NCAPH: variants seen among roughly 807,000 people sequenced by gnomAD.
NCAPH encodes the protein non-SMC condensin I complex subunit H.
A neutral mutation model predicts 85.5 loss-of-function variants in NCAPH; 38 were observed. The ratio of observed to expected loss-of-function variants is 0.44; its 90% CI spans 0.34 to 0.58. The LOEUF is 0.58. Among genes scored for constraint, NCAPH ranks in the 20% least tolerant of loss-of-function variants. The pLI, the probability that NCAPH is intolerant of heterozygous loss-of-function variation, is 0.01. For missense variants in NCAPH, 789 were observed against 916.6 expected (o/e 0.86, Z 1.80); for synonymous variants, 301 against 335.1 (o/e 0.90, Z 1.11).
At chr2:96,361,225 GT>G (rs762594645) in intron 12 of NCAPH, among the ~76,000 whole-genome samples, 1 of 151,280 alleles carries the variant, frequency 6.6e-6, no homozygotes, top group Non-Finnish European at 1.5e-5. Flanking sequence ...ATTTTTTGTA[GT>G]TTTAACAGGG....
At chr2:96,337,461 C>T (rs535578908) in intron 1 of NCAPH, among the ~76,000 whole-genome samples, 1 of 152,330 alleles carries the variant, frequency 6.6e-6, no homozygotes, top group African/African-American at 2.4e-5. Flanking sequence ...GCTCTATCGC[C>T]CAGGCTGGAG....
At chr2:96,365,362 G>A (rs1009692636) in intron 13 of NCAPH, among the ~76,000 whole-genome samples, 21 of 152,012 alleles carry the variant, frequency 1.4e-4, no homozygotes, top group South Asian at 6.2e-4. Context: ...ATCACCCAGG[G>A]AGCCTATTTA....
At chr2:96,364,661 C>T (rs1365120223) in intron 13 of NCAPH, 70 bp downstream of exon 13, 21 of 1,124,972 alleles carry the variant, frequency 1.9e-5, no homozygotes, top group South Asian at 2.6e-5. Flanking sequence ...TTCTCATGTC[C>T]CCATTTTATA....
chr2:96,366,476 A>G (rs2064700889), intron 14 of NCAPH, among the ~76,000 whole-genome samples: 1 of 152,218 alleles, frequency 6.6e-6, no homozygotes, highest in Non-Finnish European at 1.5e-5. Flanking sequence ...TTGCCTTTAT[A>G]TTTGATTCAT....
At chr2:96,340,253 T>G (rs143421574) in intron 1 of NCAPH, among the ~76,000 whole-genome samples, 1 of 152,238 alleles carries the variant, frequency 6.6e-6, no homozygotes, top group East Asian at 1.9e-4. Context: ...TCATCCAGTA[T>G]TATGGCTCTG....
At chr2:96,365,744 C>G (rs1356677979) in intron 13 of NCAPH, 132 bp from the exon 14 acceptor site, 9 of 881,572 alleles carry the variant, frequency 1.0e-5, no homozygotes, top group Non-Finnish European at 1.5e-5. Flanking sequence ...CCTAGAAGTT[C>G]ATCGTAGTGT....
At chr2:96,348,696 C>T (rs186614289) in intron 6 of NCAPH, among the ~76,000 whole-genome samples, 111 of 152,014 alleles carry the variant, frequency 7.3e-4, no homozygotes, top group Admixed American at 2.4e-3. Context: ...CGCTCTGTGG[C>T]CCAGGCTGGA....
chr2:96,361,828 ATTTT>A lies in NCAPH; in HGVS notation c.1587+1130_1587+1133del, dbSNP rs67427447. On this transcript the variant is annotated intron_variant, in intron 12 of 17. Transcript: ENST00000240423. Reference sequence around the variant, plus strand: ...TGTGTATATATATATATATATATATATTTTTTTTTTTTTTTCCCTGAATTGACTG... The same window carrying A: ...TGTGTATATATATATATATATATATATTTTTTTTTTTCCCTGAATTGACTG... Among the ~76,000 whole-genome samples, 917 of 107,982 alleles carry A rather than the reference ATTTT, an allele frequency of 8.5e-3. 6 individuals are homozygous for A. Among genetic ancestry groups the A allele is most frequent in the Middle Eastern group, 0.021 (3 of 146 alleles). The allele number at this position is 107,982 out of a possible 152,430, so 70.8% of individuals were successfully genotyped here. A position where few individuals can be genotyped will look rare whatever the true frequency, so the allele number is the denominator to read the frequency against.
At chr2:96,358,328 A>T (rs773854442) in intron 9 of NCAPH, among the ~76,000 whole-genome samples, 1 of 152,216 alleles carries the variant, frequency 6.6e-6, no homozygotes, top group Non-Finnish European at 1.5e-5. Flanking sequence ...CCTCATTTAC[A>T]GAAGGATGGT....
At chr2:96,359,297 C>G (rs1171363651) in intron 10 of NCAPH, 104 bp downstream of exon 10, 1 of 1,421,598 alleles carries the variant, frequency 7.0e-7, no homozygotes, top group Non-Finnish European at 9.6e-7. Context: ...CCTGTTGTGT[C>G]TCTTAATAAG....
At chr2:96,356,246 C>G (rs190442202) in intron 9 of NCAPH, among the ~76,000 whole-genome samples, 6 of 152,274 alleles carry the variant, frequency 3.9e-5, no homozygotes, top group African/African-American at 1.4e-4. Context: ...CCTTAAATCC[C>G]CTCCCCTTGC....
intron 1 of NCAPH, among the ~76,000 whole-genome samples, chr2:96,337,323 T>A (rs905469052): frequency 2.6e-5 from 4 of 152,268 alleles, no homozygotes; most frequent in Non-Finnish European, 4.4e-5. Flanking sequence ...TGTAGCCTAC[T>A]GTGCTCACAT....
chr2:96,355,705 G>A (rs1250411129), intron 9 of NCAPH, among the ~76,000 whole-genome samples: 3 of 150,746 alleles, frequency 2.0e-5, no homozygotes, highest in East Asian at 2.0e-4. Flanking sequence ...GCAGCAGCGC[G>A]ATCTCTGCTC....
rs113905142 is a variant in NCAPH, at chr2:96,358,745, A to G, written c.1209-300A>G. ...GGCCTCCCAAAGTGCTGGGATTACA[A>G]GCGTGAGCCACCGCGCCCAGCCAAA... On this transcript the variant is annotated intron_variant, in intron 9 of 17. Coordinates refer to ENST00000240423, the MANE Select transcript of NCAPH (RefSeq NM_015341.5). Among the ~76,000 whole-genome samples the G allele has an allele frequency of 8.1e-3, 1,240 of 152,164 alleles. 11 individuals carry two copies. Among genetic ancestry groups the G allele is most frequent in the African/African-American group, 0.028 (1,174 of 41,516 alleles).
intron 7 of NCAPH, among the ~76,000 whole-genome samples, 164 bp from the exon 8 acceptor site, chr2:96,353,142 G>T (rs1432457644): frequency 2.0e-5 from 3 of 152,258 alleles, no homozygotes; most frequent in Non-Finnish European, 4.4e-5. Flanking sequence ...CAGGGACACA[G>T]ACTGGCAGCT....
chr2:96,371,873 GAGTCTGTTCCTCCACCAC>G (rs2064778911), intron 17 of NCAPH, among the ~76,000 whole-genome samples: 1 of 152,094 alleles, frequency 6.6e-6, no homozygotes, highest in African/African-American at 2.4e-5. Context: ...CTCCCGTCTG[GAGTCTGTTCCTCCACCAC>G]TGTGATAACA....
At chr2:96,344,893 C>T (rs973696949) in intron 6 of NCAPH, among the ~76,000 whole-genome samples, 3 of 152,156 alleles carry the variant, frequency 2.0e-5, no homozygotes, top group Non-Finnish European at 2.9e-5. Flanking sequence ...TCTTTGCACT[C>T]GTATGGGAGA....
At chr2:96,356,411 T>C (rs898020856) in intron 9 of NCAPH, among the ~76,000 whole-genome samples, 4 of 152,206 alleles carry the variant, frequency 2.6e-5, no homozygotes, top group African/African-American at 9.7e-5. Context: ...CAGTTGATAA[T>C]AACAATATCT....
At chr2:96,350,583 C>G (rs1207701265) in intron 6 of NCAPH, among the ~76,000 whole-genome samples, 6 of 152,054 alleles carry the variant, frequency 3.9e-5, no homozygotes, top group African/African-American at 1.5e-4. Context: ...GAAAGATGCA[C>G]TGGGAGGAAA....
Sources: allele counts gnomAD v4.1 joint callset (sites outside exome capture counted in the v4.1 genomes callset), GRCh38; gene constraint gnomAD v4.1.1; transcripts MANE v1.5; gene names NCBI Gene and HGNC (gene_info 2026-07-23, HGNC 2026-07-21).